ELOVL7: variants seen among roughly 807,000 people sequenced by gnomAD.
ELOVL7 encodes the protein very long chain fatty acid elongase 7.
ELOVL7 carries 27 observed loss-of-function variants against 35.7 expected under a neutral mutation model. The ratio of observed to expected loss-of-function variants is 0.76; its 90% CI spans 0.56 to 1.04. The LOEUF is 1.04. ELOVL7 is among the 50% of genes least tolerant of loss of function. The pLI is 0.00. For missense variants in ELOVL7, 327 were observed against 340.8 expected (o/e 0.96, Z 0.32); for synonymous variants, 113 against 114.6 (o/e 0.99, Z 0.09).
chr5:60,771,382 C>T (rs776572115), intron 4 of ELOVL7, among the ~76,000 whole-genome samples: 7 of 152,206 alleles, frequency 4.6e-5, no homozygotes, highest in Non-Finnish European at 8.8e-5. Context: ...GGAACAGGCT[C>T]CCTCACCTAC....
intron 1 of ELOVL7, among the ~76,000 whole-genome samples, chr5:60,819,479 T>C (rs1020084770): frequency 6.6e-6 from 1 of 152,168 alleles, no homozygotes; most frequent in South Asian, 2.1e-4. Flanking sequence ...AATGCATAAG[T>C]GTTTAAGAAC....
intron 7 of ELOVL7, among the ~76,000 whole-genome samples, chr5:60,761,328 G>T (rs1408797755): frequency 2.0e-5 from 3 of 152,016 alleles, no homozygotes; most frequent in Non-Finnish European, 4.4e-5. Flanking sequence ...AAGAATAGCT[G>T]GATTGCTATT....
chr5:60,797,932 G>T (rs1744363320), intron 2 of ELOVL7, among the ~76,000 whole-genome samples: 2 of 152,188 alleles, frequency 1.3e-5, no homozygotes, highest in South Asian at 4.1e-4. Context: ...CTTTTGAAAA[G>T]GTTAATCGGA....
intron 1 of ELOVL7, among the ~76,000 whole-genome samples, chr5:60,814,123 T>G (rs1439813082): frequency 1.3e-5 from 2 of 152,218 alleles, no homozygotes; most frequent in African/African-American, 2.4e-5. Context: ...CAAATCAGCC[T>G]GTGCCAACCT....
chr5:60,792,398 A>T (rs1743992824), intron 2 of ELOVL7, among the ~76,000 whole-genome samples: 1 of 152,178 alleles, frequency 6.6e-6, no homozygotes. Context: ...ATGAGCTGAG[A>T]GTGATGGACT....
chr5:60,817,575 G>GTATA (rs891572344), intron 1 of ELOVL7, among the ~76,000 whole-genome samples: 78 of 145,178 alleles, frequency 5.4e-4, no homozygotes, highest in African/African-American at 1.9e-3. Flanking sequence ...ATATATATGT[G>GTATA]TATATATATA....
chr5:60,839,763 G>C (rs1747050284), intron 1 of ELOVL7, among the ~76,000 whole-genome samples: 1 of 152,224 alleles, frequency 6.6e-6, no homozygotes, highest in African/African-American at 2.4e-5. Flanking sequence ...ACTTTGGAAG[G>C]CTGAGGCAGG....
chr5:60,830,990 AAG>A (rs554354485), intron 1 of ELOVL7, among the ~76,000 whole-genome samples: 186 of 152,352 alleles, frequency 1.2e-3, no homozygotes, highest in African/African-American at 4.2e-3. Context: ...GGGCAAGAGA[AAG>A]AGAAAAAATG....
intron 3 of ELOVL7, among the ~76,000 whole-genome samples, chr5:60,784,970 A>T (rs1743486682): frequency 6.6e-6 from 1 of 152,250 alleles, no homozygotes; most frequent in Non-Finnish European, 1.5e-5. Flanking sequence ...CTTCCGAAAC[A>T]GCAGAGCACT....
At position 60,759,868 on chromosome 5, in the gene ELOVL7, T is replaced by C. The variant is rs549904468; in HGVS notation, c.500-2223A>G. Reference sequence around the variant, plus strand: ...GTGTTCTCATTGTTCAATTCCCACCTATGAGTGAGAATATGAGGTGTTTGG... The same window carrying C: ...GTGTTCTCATTGTTCAATTCCCACCCATGAGTGAGAATATGAGGTGTTTGG... On this transcript the variant is annotated intron_variant, in intron 7 of 8. Transcript: ENST00000508821. Among the ~76,000 whole-genome samples the C allele has an allele frequency of 4.0e-5, 6 of 151,780 alleles. No homozygotes were observed. The East Asian group carries it at 1.2e-3, about 30-fold the overall frequency.
chr5:60,799,762 G>A (rs764354082), intron 1 of ELOVL7, among the ~76,000 whole-genome samples: 1 of 152,190 alleles, frequency 6.6e-6, no homozygotes, highest in Admixed American at 6.5e-5. Context: ...AATAGACCGG[G>A]TGTGGTGGCT....
At chr5:60,805,535 C>T (rs916323348) in intron 1 of ELOVL7, among the ~76,000 whole-genome samples, 4 of 152,088 alleles carry the variant, frequency 2.6e-5, no homozygotes, top group African/African-American at 7.2e-5. Context: ...CAATGTGGTG[C>T]TTTGAAAAGA....
At chr5:60,822,647 G>C (rs1745953188) in intron 1 of ELOVL7, among the ~76,000 whole-genome samples, 1 of 152,272 alleles carries the variant, frequency 6.6e-6, no homozygotes, top group South Asian at 2.1e-4. Context: ...CATCTAGTTG[G>C]TGATGAAAAC....
At chr5:60,789,238 C>A (rs1049595185) in intron 2 of ELOVL7, among the ~76,000 whole-genome samples, 1 of 152,116 alleles carries the variant, frequency 6.6e-6, no homozygotes, top group South Asian at 2.1e-4. Context: ...ATATCATAGA[C>A]AACGGCTACT....
chr5:60,803,491 A>C (rs761577717), intron 1 of ELOVL7, among the ~76,000 whole-genome samples: 4 of 152,238 alleles, frequency 2.6e-5, no homozygotes, highest in Non-Finnish European at 5.9e-5. Context: ...ATGATTAATA[A>C]GTGAATATGT....
At chr5:60,834,315 T>G (rs1746659430) in intron 1 of ELOVL7, among the ~76,000 whole-genome samples, 1 of 152,128 alleles carries the variant, frequency 6.6e-6, no homozygotes, top group South Asian at 2.1e-4. Context: ...CTAATTTTGT[T>G]TTCGTATTTT....
Position 60,754,847 on chromosome 5 carries a change from A to G in ELOVL7, c.637-14T>C. Reference sequence around the variant, plus strand: ...AACAAACTGGACCTAAGAAATGAAAACGTGAAAAAAAATTATTCAGATATG... The same window carrying G: ...AACAAACTGGACCTAAGAAATGAAAGCGTGAAAAAAAATTATTCAGATATG... On this transcript the variant is annotated splice_polypyrimidine_tract_variant and intron_variant, in intron 8 of 8. Transcript: ENST00000508821. The G allele has an allele frequency of 6.2e-7, 1 of 1,608,868 alleles. No homozygotes were observed.
intron 1 of ELOVL7, among the ~76,000 whole-genome samples, chr5:60,817,840 GTGTGTGTGTA>G (rs1467746099): frequency 1.4e-5 from 2 of 144,436 alleles, no homozygotes; most frequent in Non-Finnish European, 3.0e-5. Flanking sequence ...ATGTGTGTGT[GTGTGTGTGTA>G]TATATATATA....
chr5:60,792,722 G>C (rs1357462464), intron 2 of ELOVL7, among the ~76,000 whole-genome samples: 1 of 152,152 alleles, frequency 6.6e-6, no homozygotes, highest in African/African-American at 2.4e-5. Context: ...ATGTGGTATA[G>C]GTGTATAGGT....
Sources: allele counts gnomAD v4.1 joint callset (sites outside exome capture counted in the v4.1 genomes callset), GRCh38; gene constraint gnomAD v4.1.1; transcripts MANE v1.5; gene names NCBI Gene and HGNC (gene_info 2026-07-23, HGNC 2026-07-21).